The following CTNNA3 variants were observed in gnomAD, a reference collection of about 807,000 sequenced individuals.
CTNNA3 encodes catenin alpha 3, also known as catenin alpha-3.
CTNNA3 carries 76 observed loss-of-function variants against 95.7 expected under a neutral mutation model. The ratio of observed to expected loss-of-function variants is 0.79; its 90% confidence interval spans 0.66 to 0.96. The LOEUF (loss-of-function observed/expected upper bound fraction) is 0.96, where lower values mean the gene tolerates loss of function less well. CTNNA3 is among the 40% of genes least tolerant of loss of function. The pLI is 0.00. For synonymous variants in CTNNA3, 431 were observed against 374.4 expected (o/e 1.15, Z -1.74); for missense variants, 1,191 against 1,089.8 (o/e 1.09, Z -1.31).
At chr10:67,593,803 G>T (rs1197197072) in intron 3 of CTNNA3, among the ~76,000 whole-genome samples, 1 of 152,118 alleles carries the variant, frequency 6.6e-6, no homozygotes, top group Non-Finnish European at 1.5e-5. Flanking sequence ...ATGTTGAATA[G>T]GAGTGATGAG....
chr10:66,737,143 C>T (rs1056696548), intron 9 of CTNNA3, among the ~76,000 whole-genome samples: 2 of 151,170 alleles, frequency 1.3e-5, no homozygotes, highest in African/African-American at 2.5e-5. Context: ...AAACATTGGC[C>T]TGTGCATGTT....
intron 10 of CTNNA3, among the ~76,000 whole-genome samples, chr10:66,591,281 AT>A (rs886286937): frequency 3.3e-5 from 5 of 152,024 alleles, no homozygotes; most frequent in Middle Eastern, 3.2e-3. Flanking sequence ...TATAAAACAT[AT>A]TTTTCCCCCC....
At chr10:66,997,304 G>A (rs1851408308) in intron 7 of CTNNA3, among the ~76,000 whole-genome samples, 1 of 152,170 alleles carries the variant, frequency 6.6e-6, no homozygotes, top group Non-Finnish European at 1.5e-5. Context: ...GAATGTGACT[G>A]ATACAATCTG....
At chr10:66,974,770 A>T (rs562171944) in intron 7 of CTNNA3, among the ~76,000 whole-genome samples, 4 of 150,436 alleles carry the variant, frequency 2.7e-5, no homozygotes, top group Admixed American at 2.0e-4. Context: ...GACTAATGAC[A>T]TTGCACATCT....
chr10:66,796,028 T>C (rs2132218695), intron 7 of CTNNA3, among the ~76,000 whole-genome samples: 1 of 152,282 alleles, frequency 6.6e-6, no homozygotes, highest in Admixed American at 6.5e-5. Context: ...CCTCTAAAAC[T>C]GTCCTCATAT....
intron 1 of CTNNA3, among the ~76,000 whole-genome samples, chr10:67,681,374 T>C (rs1451089883): frequency 2.0e-5 from 3 of 152,094 alleles, no homozygotes; most frequent in Non-Finnish European, 4.4e-5. Flanking sequence ...GACTCCAATA[T>C]AAACTTAGCT....
intron 3 of CTNNA3, among the ~76,000 whole-genome samples, chr10:67,569,211 C>A (rs1841907559): frequency 1.3e-5 from 2 of 152,108 alleles, no homozygotes; most frequent in Admixed American, 1.3e-4. Context: ...GCAGACTTTT[C>A]TTTTAGTGCA....
chr10:66,995,529 T>C (rs551608474), intron 7 of CTNNA3, among the ~76,000 whole-genome samples: 2 of 152,328 alleles, frequency 1.3e-5, no homozygotes, highest in African/African-American at 4.8e-5. Flanking sequence ...CATACCTACC[T>C]GTTTAATACC....
intron 11 of CTNNA3, among the ~76,000 whole-genome samples, chr10:66,450,734 C>T (rs2093458041): frequency 6.6e-6 from 1 of 152,062 alleles, no homozygotes; most frequent in Non-Finnish European, 1.5e-5. Flanking sequence ...AAAATGCTGC[C>T]TCATTTCCTC....
intron 7 of CTNNA3, among the ~76,000 whole-genome samples, chr10:67,009,973 T>G (rs1021282761): frequency 6.6e-6 from 1 of 152,204 alleles, no homozygotes; most frequent in Non-Finnish European, 1.5e-5. Context: ...CATTCTAGTA[T>G]AGATTCTTCT....
intron 14 of CTNNA3, among the ~76,000 whole-genome samples, chr10:66,075,788 A>T (rs1236577540): frequency 6.6e-6 from 1 of 151,662 alleles, no homozygotes; most frequent in Non-Finnish European, 1.5e-5. Flanking sequence ...CTAGTGACAG[A>T]TGTGATGTTT....
At chr10:67,218,510 G>C (rs1864493780) in intron 6 of CTNNA3, among the ~76,000 whole-genome samples, 1 of 152,082 alleles carries the variant, frequency 6.6e-6, no homozygotes, top group Non-Finnish European at 1.5e-5. Context: ...CTAGCTGTCA[G>C]GTAGACTTCT....
intron 9 of CTNNA3, among the ~76,000 whole-genome samples, chr10:66,718,045 G>A (rs983830974): frequency 2.6e-5 from 4 of 152,000 alleles, no homozygotes; most frequent in African/African-American, 9.7e-5. Flanking sequence ...AAAAACAAAA[G>A]CCAACAAGTT....
chr10:66,554,713 G>A (rs556343045), intron 10 of CTNNA3, among the ~76,000 whole-genome samples: 3 of 152,050 alleles, frequency 2.0e-5, no homozygotes, highest in Non-Finnish European at 4.4e-5. Context: ...AGTAAATGTA[G>A]TATATCACTT....
At chr10:67,355,379 C>T (rs577112792) in intron 5 of CTNNA3, among the ~76,000 whole-genome samples, 10 of 151,838 alleles carry the variant, frequency 6.6e-5, no homozygotes, top group African/African-American at 1.7e-4. Flanking sequence ...TGTGTAGCCA[C>T]GAGTAGTGGA....
chr10:66,117,998 G>T, intron 13 of CTNNA3, among the ~76,000 whole-genome samples: 1 of 152,142 alleles, frequency 6.6e-6, no homozygotes, highest in East Asian at 1.9e-4. Flanking sequence ...ACCTGGGAGA[G>T]TTACCGTCAG....
At chr10:66,557,224 G>C (rs1842419546) in intron 10 of CTNNA3, among the ~76,000 whole-genome samples, 1 of 151,876 alleles carries the variant, frequency 6.6e-6, no homozygotes, top group Non-Finnish European at 1.5e-5. Flanking sequence ...CTACAAAATG[G>C]GGAAAAACAA....
chr10:66,772,441 A>AG (rs1479764252), intron 8 of CTNNA3, among the ~76,000 whole-genome samples: 4 of 141,456 alleles, frequency 2.8e-5, no homozygotes, highest in Admixed American at 7.1e-5. Context: ...AAAAAAAAAA[A>AG]AGAGAGAGAG....
At chr10:66,445,045 T>C (rs1445165415) in intron 11 of CTNNA3, among the ~76,000 whole-genome samples, 1 of 151,736 alleles carries the variant, frequency 6.6e-6, no homozygotes, top group African/African-American at 2.4e-5. Flanking sequence ...TAAAACAGAC[T>C]AAACCAACAA....
Sources: allele counts gnomAD v4.1 joint callset (sites outside exome capture counted in the v4.1 genomes callset), GRCh38; gene constraint gnomAD v4.1.1; transcripts MANE v1.5; gene names NCBI Gene and HGNC (gene_info 2026-07-23, HGNC 2026-07-21).